KDM2A: variants seen among roughly 807,000 people sequenced by gnomAD.
KDM2A encodes lysine demethylase 2A.
A neutral mutation model predicts 137.3 loss-of-function variants in KDM2A; 3 were observed. That is an observed-to-expected ratio of 0.02 (90% confidence interval 0.01 to 0.06). The LOEUF (loss-of-function observed/expected upper bound fraction) is 0.06. Among genes scored for constraint, KDM2A ranks in the 10% least tolerant of loss-of-function variants. The pLI, the probability that KDM2A is intolerant of heterozygous loss-of-function variation, is 1.00. For missense variants in KDM2A, 738 were observed against 1,510.6 expected (o/e 0.49, Z 8.48); for synonymous variants, 512 against 541.5 (o/e 0.95, Z 0.76).
intron 2 of KDM2A, among the ~76,000 whole-genome samples, chr11:67,124,774 A>G (rs898023934): frequency 2.6e-5 from 4 of 151,090 alleles, no homozygotes; most frequent in Admixed American, 6.6e-5. Flanking sequence ...CTTAACTAGC[A>G]TATGTTTTCT....
chr11:67,192,433 C>CTTTTTTTTTTTTTTTTTTTT (rs921321640), intron 5 of KDM2A, among the ~76,000 whole-genome samples: 1 of 70,534 alleles, frequency 1.4e-5, no homozygotes, highest in African/African-American at 5.7e-5. Context: ...GTTTCCATTT[C>CTTTTTTTTTTTTTTTTTTTT]TTTTTTTTTT....
intron 2 of KDM2A, among the ~76,000 whole-genome samples, chr11:67,136,686 G>C (rs138909473): frequency 6.6e-6 from 1 of 152,166 alleles, no homozygotes; most frequent in East Asian, 1.9e-4. Flanking sequence ...GATGTTCAGG[G>C]GTTCTGGGGA....
rs1858216523 is a variant in KDM2A at position 67,217,823 on chromosome 11, C to T, written c.780C>T (p.Asp260=). Residue 260 remains aspartate, a synonymous_variant, in exon 9 of 21, where the codon GAC becomes GAT. Coordinates refer to ENST00000529006, the MANE Select transcript of KDM2A (RefSeq NM_012308.3). ...AACAGGGAGACATCTTTCTGGGTGA[C>T]CGGGTATCAGATTGTCAGCGCATTG... ...SGKQGDIFLG[D]RVSDCQRIEL... is the part of the protein sequence containing the mutation. 1.2e-6 allele frequency: 2 copies of T among 1,613,230 alleles called. No individual in the cohort carries two copies. The highest frequency in any genetic ancestry group is 1.7e-6 in the Non-Finnish European group (2 of 1,179,652).
chr11:67,167,742 G>T (rs912253867), intron 2 of KDM2A, among the ~76,000 whole-genome samples: 2 of 152,014 alleles, frequency 1.3e-5, no homozygotes, highest in African/African-American at 4.8e-5. Flanking sequence ...CATTTTTCAT[G>T]TATGGAAACT....
intron 15 of KDM2A, among the ~76,000 whole-genome samples, chr11:67,247,380 G>A (rs978554299): frequency 2.9e-5 from 4 of 137,690 alleles, no homozygotes; most frequent in Non-Finnish European, 6.2e-5. Flanking sequence ...GTGAGCTACC[G>A]CACCCAGCCT....
intron 5 of KDM2A, among the ~76,000 whole-genome samples, chr11:67,191,544 AAATC>A (rs1857354744): frequency 6.6e-6 from 1 of 152,252 alleles, no homozygotes; most frequent in African/African-American, 2.4e-5. Flanking sequence ...TGACATGTGA[AAATC>A]AATCAATATA....
At chr11:67,148,479 T>G (rs1856307440) in intron 2 of KDM2A, among the ~76,000 whole-genome samples, 1 of 151,844 alleles carries the variant, frequency 6.6e-6, no homozygotes, top group Non-Finnish European at 1.5e-5. Flanking sequence ...ATAATAGGTA[T>G]CAATCATATC....
At position 67,250,787 on chromosome 11, in the gene KDM2A, G is replaced by A. The variant is rs537410660; in HGVS notation, c.2757G>A (p.Thr919=). 8.0e-5 allele frequency: 122 copies of A among 1,527,708 alleles called. No individual in the cohort carries two copies. The highest frequency in any genetic ancestry group is 1.8e-4 in the Middle Eastern group (1 of 5,640). The allele number at this position is 1,527,708 out of a possible 1,614,324, so 94.6% of individuals were successfully genotyped here. A position where few individuals can be genotyped will look rare whatever the true frequency, so the allele number is the denominator to read the frequency against. ...ELCECMRVCK[T]WYKWCCDKRL... ...GTGAATGTATGCGAGTGTGCAAGACGTGGTATAAATGGTGAGCAGGGATTC... is the reference window on the plus strand; with the variant it reads ...GTGAATGTATGCGAGTGTGCAAGACATGGTATAAATGGTGAGCAGGGATTC... The change falls in exon 17 of 21, where the codon ACG becomes ACA. Residue 919 remains threonine (T), a synonymous_variant. Coordinates refer to ENST00000529006, the MANE Select transcript of KDM2A (RefSeq NM_012308.3). This position sits in a 1 kb window ranked among gnomAD's most constrained non-coding sequence, Gnocchi z 7.1.
intron 12 of KDM2A, among the ~76,000 whole-genome samples, chr11:67,242,293 TG>T (rs1178991207): frequency 2.0e-5 from 3 of 151,914 alleles, no homozygotes; most frequent in Admixed American, 6.6e-5. Flanking sequence ...TGTGTGTGTG[TG>T]TGTGTGTGTG....
chr11:67,158,807 C>T (rs1856576108), intron 2 of KDM2A, among the ~76,000 whole-genome samples: 1 of 152,050 alleles, frequency 6.6e-6, no homozygotes, highest in African/African-American at 2.4e-5. Flanking sequence ...TTTTCATATG[C>T]TTATTTGTCA....
At chr11:67,218,281 A>G (rs1228528693) in intron 9 of KDM2A, among the ~76,000 whole-genome samples, 1 of 152,218 alleles carries the variant, frequency 6.6e-6, no homozygotes, top group Admixed American at 6.5e-5. Flanking sequence ...CAAGTCATTA[A>G]ATCAAAGTAA....
At chr11:67,248,935 C>G (rs1859327799) in intron 16 of KDM2A, among the ~76,000 whole-genome samples, 1 of 152,090 alleles carries the variant, frequency 6.6e-6, no homozygotes, top group Non-Finnish European at 1.5e-5. Flanking sequence ...CCAGTGGTTG[C>G]CAATAATGTC....
intron 10 of KDM2A, among the ~76,000 whole-genome samples, chr11:67,222,992 A>C (rs1265519272): frequency 1.3e-5 from 2 of 151,828 alleles, no homozygotes; most frequent in African/African-American, 4.8e-5. Flanking sequence ...CAGGAAGTTG[A>C]GACCAGCGTG....
chr11:67,168,867 A>G (rs1856812529), intron 2 of KDM2A, among the ~76,000 whole-genome samples: 1 of 151,938 alleles, frequency 6.6e-6, no homozygotes, highest in Non-Finnish European at 1.5e-5. Context: ...TTCCTTTAAA[A>G]TGTATTTATT....
At chr11:67,130,129 A>ATTT (rs71461635) in intron 2 of KDM2A, among the ~76,000 whole-genome samples, 2,544 of 143,054 alleles carry the variant, frequency 0.018, 79 homozygotes, top group African/African-American at 0.061. Context: ...CACCTGGCTA[A>ATTT]TTTTTTTTTT....
intron 2 of KDM2A, among the ~76,000 whole-genome samples, chr11:67,165,496 T>G (rs1051906759): frequency 2.0e-4 from 31 of 152,184 alleles, no homozygotes; most frequent in African/African-American, 7.5e-4. Context: ...TCATAAATCT[T>G]AAGTTTGACA....
At chr11:67,237,395 G>A (rs762535787) in intron 12 of KDM2A, among the ~76,000 whole-genome samples, 1 of 151,726 alleles carries the variant, frequency 6.6e-6, no homozygotes, top group African/African-American at 2.4e-5. Flanking sequence ...AGTATAGTTA[G>A]CTCTTATTCC....
intron 5 of KDM2A, among the ~76,000 whole-genome samples, chr11:67,200,721 G>T (rs1240833220): frequency 6.6e-6 from 1 of 150,666 alleles, no homozygotes. Context: ...TACCCAGGCT[G>T]GTTTAGAACT....
chr11:67,135,299 C>G (rs1438800630), intron 2 of KDM2A, among the ~76,000 whole-genome samples: 1 of 152,068 alleles, frequency 6.6e-6, no homozygotes, highest in Non-Finnish European at 1.5e-5. Context: ...ATCTCTTGAC[C>G]TCGTTCCACC....
Sources: gnomAD v4.1 joint callset for allele counts (sites outside exome capture counted in the v4.1 genomes callset) on GRCh38, gnomAD v4.1.1 for gene constraint, Gnocchi (gnomAD v3.1) non-coding constraint, MANE v1.5 for transcripts, NCBI Gene and HGNC (gene_info 2026-07-23, HGNC 2026-07-21) for gene names.